The following MARK3 variants were observed in gnomAD, a reference collection of about 807,000 sequenced individuals.
The protein encoded by MARK3 is MAP/microtubule affinity-regulating kinase 3.
A neutral mutation model predicts 90.1 loss-of-function variants in MARK3; 46 were observed. That is an observed-to-expected ratio of 0.51 (90% CI 0.40 to 0.65). The LOEUF (loss-of-function observed/expected upper bound fraction) is 0.65. Among genes scored for constraint, MARK3 ranks in the 30% least tolerant of loss-of-function variants. The pLI, the probability that MARK3 is intolerant of heterozygous loss-of-function variation, is 0.00. For missense variants in MARK3, 818 were observed against 947.2 expected (o/e 0.86, Z 1.79); for synonymous variants, 321 against 332.6 (o/e 0.97, Z 0.38).
At chr14:103,490,864 A>C in intron 14 of MARK3, 5 of 710,218 alleles carry the variant, frequency 7.0e-6, no homozygotes, top group Non-Finnish European at 8.9e-6. Context: ...CTTGGGAGGA[A>C]GGTGTGTGCA....
intron 2 of MARK3, chr14:103,412,871 TTTTC>T (rs993608511): frequency 5.7e-5 from 18 of 318,104 alleles, no homozygotes; most frequent in South Asian, 8.2e-5. Flanking sequence ...TCTTTCTTTT[TTTTC>T]TTTCTTTTTT....
chr14:103,408,188 C>CA (rs2091428184), intron 2 of MARK3, among the ~76,000 whole-genome samples: 1 of 151,612 alleles, frequency 6.6e-6, no homozygotes, highest in Non-Finnish European at 1.5e-5. Flanking sequence ...TGTTTTTTGG[C>CA]GGGGGGGAGG....
chr14:103,478,511 A>G (rs1201581201), intron 13 of MARK3, among the ~76,000 whole-genome samples: 2 of 149,486 alleles, frequency 1.3e-5, no homozygotes, highest in African/African-American at 4.9e-5. Context: ...TAATGTTTTC[A>G]TGGTTCATCC....
rs924802312 is a variant in MARK3 at position 103,432,621 on chromosome 14, C to T, written c.297+4181C>T. On this transcript the variant is annotated intron_variant, in intron 3 of 17. Transcript: ENST00000429436. ...ATCCCAGCACTTGGGGAGCCTGAGG[C>T]GAGAGGATCACTCGAGCTCAGGAAT... is the stretch of plus-strand genomic sequence containing the variant. Among the ~76,000 whole-genome samples the T allele has an allele frequency of 2.6e-5, 4 of 152,042 alleles. No homozygotes were observed. The East Asian group carries it at 5.8e-4, about 22-fold the overall frequency.
intron 2 of MARK3, among the ~76,000 whole-genome samples, chr14:103,427,012 A>G (rs936086072): frequency 6.6e-6 from 1 of 152,160 alleles, no homozygotes; most frequent in Non-Finnish European, 1.5e-5. Context: ...AAGATTTGCT[A>G]CATTGCATAT....
chr14:103,494,050 A>G (rs2075177385), intron 15 of MARK3, among the ~76,000 whole-genome samples: 1 of 151,024 alleles, frequency 6.6e-6, no homozygotes, highest in South Asian at 2.1e-4. Flanking sequence ...CCTGGCCAAC[A>G]TGGCAAAACC....
chr14:103,425,596 G>T (rs2092378521), intron 2 of MARK3, among the ~76,000 whole-genome samples: 1 of 152,122 alleles, frequency 6.6e-6, no homozygotes, highest in Non-Finnish European at 1.5e-5. Flanking sequence ...TGCCAGTTAG[G>T]GCTATAAAGA....
chr14:103,458,635 T>G, intron 6 of MARK3: 1 of 561,748 alleles, frequency 1.8e-6, no homozygotes, highest in Non-Finnish European at 3.2e-6. Context: ...TGCTTTTAAA[T>G]TAATTCTGTA....
At chr14:103,482,856 A>G (rs1286507767) in intron 14 of MARK3, among the ~76,000 whole-genome samples, 2 of 152,064 alleles carry the variant, frequency 1.3e-5, no homozygotes, top group Non-Finnish European at 2.9e-5. Flanking sequence ...CAACTCTTTC[A>G]TATCCTGACC....
intron 2 of MARK3, among the ~76,000 whole-genome samples, chr14:103,408,651 C>T (rs1267734383): frequency 6.6e-6 from 1 of 152,230 alleles, no homozygotes; most frequent in East Asian, 1.9e-4. Flanking sequence ...GGTCTGTCAT[C>T]TGTCAGCATG....
chr14:103,434,649 C>T (rs2092672233), intron 3 of MARK3, among the ~76,000 whole-genome samples: 2 of 152,064 alleles, frequency 1.3e-5, no homozygotes, highest in Admixed American at 6.6e-5. Context: ...GCATGAGACT[C>T]GAAATTTACA....
At chr14:103,500,066 G>A in intron 16 of MARK3, 90 bp from the exon 17 acceptor site, 1 of 959,962 alleles carries the variant, frequency 1.0e-6, no homozygotes, top group Non-Finnish European at 1.6e-6. Context: ...ATTTTATGGT[G>A]TTGGTGTTGG....
intron 12 of MARK3, among the ~76,000 whole-genome samples, 165 bp from the exon 13 acceptor site, chr14:103,474,828 T>C (rs2093688483): frequency 6.6e-6 from 1 of 152,192 alleles, no homozygotes; most frequent in South Asian, 2.1e-4. Flanking sequence ...ATTCATTGCA[T>C]AAGGCAAACA....
At chr14:103,502,068 G>A (rs1000148722) in intron 17 of MARK3, among the ~76,000 whole-genome samples, 1 of 152,150 alleles carries the variant, frequency 6.6e-6, no homozygotes, top group Admixed American at 6.5e-5. Flanking sequence ...ATAACGGCTT[G>A]TGGCAATAAT....
At chr14:103,474,670 A>G (rs1239472800) in intron 12 of MARK3, among the ~76,000 whole-genome samples, 1 of 152,236 alleles carries the variant, frequency 6.6e-6, no homozygotes, top group Non-Finnish European at 1.5e-5. Context: ...GAACTGGTTC[A>G]TTCTGCTTGT....
At chr14:103,439,699 G>A (rs747290367) in intron 3 of MARK3, among the ~76,000 whole-genome samples, 43 of 150,524 alleles carry the variant, frequency 2.9e-4, no homozygotes, top group Admixed American at 1.1e-3. Flanking sequence ...GTGAGCCACC[G>A]CACCCCACCA....
chr14:103,475,263 C>G, intron 13 of MARK3, 53 bp downstream of exon 13: 1 of 1,481,032 alleles, frequency 6.8e-7, no homozygotes, highest in Non-Finnish European at 9.4e-7. Context: ...TTGGAACCAG[C>G]TAGACACCAG....
intron 17 of MARK3, among the ~76,000 whole-genome samples, chr14:103,501,809 A>G (rs1303328093): frequency 1.3e-5 from 2 of 152,182 alleles, no homozygotes; most frequent in Non-Finnish European, 2.9e-5. Context: ...TAACCCATTT[A>G]GTATCTAACG....
intron 2 of MARK3, among the ~76,000 whole-genome samples, chr14:103,413,429 C>CTT (rs33971338): frequency 0.37 from 49,283 of 131,532 alleles, 10,714 homozygotes; most frequent in African/African-American, 0.56. Flanking sequence ...TAATAGCATG[C>CTT]TTTTTTTTTT....
Sources: gnomAD v4.1 joint callset for allele counts (sites outside exome capture counted in the v4.1 genomes callset) on GRCh38, gnomAD v4.1.1 for gene constraint, MANE v1.5 for transcripts, NCBI Gene and HGNC (gene_info 2026-07-23, HGNC 2026-07-21) for gene names.